NFIB: variants seen among roughly 807,000 people sequenced by gnomAD.
The protein encoded by NFIB is nuclear factor 1 B-type.
A neutral mutation model predicts 61.5 loss-of-function variants in NFIB; 11 were observed. That is an observed-to-expected ratio of 0.18 (90% CI 0.11 to 0.30). The LOEUF (loss-of-function observed/expected upper bound fraction) is 0.30. NFIB is among the 10% of genes least tolerant of loss of function. The pLI, the probability that NFIB is intolerant of heterozygous loss-of-function variation, is 1.00. For missense variants in NFIB, 471 were observed against 608.9 expected, an observed-to-expected ratio of 0.77 and a Z score of 2.38; for synonymous variants, 260 against 216.5, an observed-to-expected ratio of 1.20 and a Z score of -1.76.
At chr9:14,461,758 T>A in the NFIB span, among the ~76,000 whole-genome samples, 1 of 152,230 alleles carries the variant, frequency 6.6e-6, no homozygotes, top group Non-Finnish European at 1.5e-5. Context: ...AGATCTCAAA[T>A]TGTAAACCCT....
intron 6 of NFIB, among the ~76,000 whole-genome samples, chr9:14,132,456 TAAA>T (rs2040506998): frequency 6.6e-6 from 1 of 152,196 alleles, no homozygotes; most frequent in African/African-American, 2.4e-5. Context: ...TAATCATTGT[TAAA>T]ATATCTACAT....
Position 14,307,302 on chromosome 9 carries a change from A to G in NFIB, c.249T>C (p.Asp83=), listed in dbSNP as rs2060067679. ...ASRLLAKLRK[D]IRQEYREDFV... Reference sequence around the variant, plus strand: ...AGTCCTCTCGATACTCCTGGCGAATATCTTTGCGCAGTTTGGCAAGGAGCC... The same window carrying G: ...AGTCCTCTCGATACTCCTGGCGAATGTCTTTGCGCAGTTTGGCAAGGAGCC... Residue 83 remains aspartate (D), a synonymous_variant, in exon 2 of 11, where the codon GAT becomes GAC. Coordinates refer to ENST00000380953, the MANE Select transcript of NFIB (RefSeq NM_001190737.2). The surrounding 1 kb of genome is among the most constrained non-coding windows in gnomAD (Gnocchi z 5.3). 1.2e-6 allele frequency: 2 copies of G among 1,613,954 alleles called. No individual in the cohort carries two copies. The highest frequency in any genetic ancestry group is 8.5e-7 in the Non-Finnish European group (1 of 1,179,886).
intron 2 of NFIB, among the ~76,000 whole-genome samples, chr9:14,303,567 T>C (rs765622962): frequency 1.2e-4 from 19 of 152,228 alleles, no homozygotes; most frequent in South Asian, 2.1e-4. Context: ...AAGAGTTTTA[T>C]ATTAGCTAAG....
intron 10 of NFIB, among the ~76,000 whole-genome samples, chr9:14,112,723 CTG>C (rs1306855645): frequency 6.6e-6 from 1 of 152,122 alleles, no homozygotes; most frequent in Non-Finnish European, 1.5e-5. Context: ...GCCAATGAGA[CTG>C]AGAAAAATAC....
At chr9:14,092,386 G>A (rs1431860643) in intron 10 of NFIB, among the ~76,000 whole-genome samples, 2 of 151,994 alleles carry the variant, frequency 1.3e-5, no homozygotes, top group Non-Finnish European at 2.9e-5. Context: ...TTTTCTCAGT[G>A]AGCTCATGAG....
intron 3 of NFIB, among the ~76,000 whole-genome samples, chr9:14,162,580 A>G (rs1164637206): frequency 3.9e-5 from 6 of 152,070 alleles, no homozygotes; most frequent in Admixed American, 2.6e-4. Flanking sequence ...AGGAGTATAC[A>G]CATGCTTCAT....
the NFIB span, among the ~76,000 whole-genome samples, chr9:14,478,394 A>G: frequency 6.6e-6 from 1 of 152,174 alleles, no homozygotes. Context: ...TCAAACATAC[A>G]GAACAGGTTA....
Position 14,376,876 on chromosome 9 carries a change from G to A in NFIB, c.108+21648C>T, listed in dbSNP as rs145630179. Among the ~76,000 whole-genome samples the A allele has an allele frequency of 1.4e-4, 22 of 152,112 alleles. No homozygotes were observed. The East Asian group carries it at 4.3e-3, about 29-fold the overall frequency. On this transcript the variant is annotated intron_variant, in intron 1 of 8. Transcript: ENST00000380934. ...AGTTATTACTCATTCAAAAATCTGTGTCACTTACTTTAATCAGATTGCCTT... is the reference window on the plus strand; with the variant it reads ...AGTTATTACTCATTCAAAAATCTGTATCACTTACTTTAATCAGATTGCCTT...
rs550756343 is a variant in NFIB, at chr9:14,257,278, G to A, written c.562+49711C>T. On this transcript the variant is annotated intron_variant, in intron 2 of 10. Coordinates refer to ENST00000380953, the MANE Select transcript of NFIB (RefSeq NM_001190737.2). ...TCCTAGAACATGGTGCACACAAGGT[G>A]ACAGCTGTGCCTTATTACAGCTACT... is the stretch of plus-strand genomic sequence containing the variant. Among the ~76,000 whole-genome samples, 63 of 152,268 alleles carry A rather than the reference G, an allele frequency of 4.1e-4. 1 individual carries two copies. The South Asian group carries it at 0.013, about 31-fold the overall frequency.
the NFIB span, among the ~76,000 whole-genome samples, chr9:14,496,832 C>T: frequency 6.6e-6 from 1 of 152,222 alleles, no homozygotes; most frequent in Non-Finnish European, 1.5e-5. Flanking sequence ...AAATAAAATA[C>T]TAGCCATTGC....
At chr9:14,503,569 C>G in the NFIB span, among the ~76,000 whole-genome samples, 2 of 152,046 alleles carry the variant, frequency 1.3e-5, no homozygotes, top group Admixed American at 6.6e-5. Context: ...TTTGCATTTC[C>G]CTGATAATTA....
At chr9:14,345,170 T>C (rs1372940806) in intron 1 of NFIB, among the ~76,000 whole-genome samples, 4 of 152,146 alleles carry the variant, frequency 2.6e-5, no homozygotes, top group Non-Finnish European at 4.4e-5. Context: ...AAAGGAGAGC[T>C]GCTTTTTATT....
chr9:14,148,076 A>G (rs1380322469), intron 5 of NFIB, among the ~76,000 whole-genome samples: 1 of 152,110 alleles, frequency 6.6e-6, no homozygotes. Flanking sequence ...CCACCAATAA[A>G]GCAGACAATT....
chr9:14,434,902 C>T, the NFIB span, among the ~76,000 whole-genome samples: 3 of 152,294 alleles, frequency 2.0e-5, no homozygotes, highest in East Asian at 5.8e-4. Flanking sequence ...CTGGAGCTAG[C>T]TGGCACTGTA....
At chr9:14,399,837 T>C (rs2061725156), upstream of NFIB, among the ~76,000 whole-genome samples, 1 of 152,172 alleles carries the variant, frequency 6.6e-6, no homozygotes, top group Non-Finnish European at 1.5e-5. Context: ...TGGTTTGAGT[T>C]AAGCAACTTG....
the NFIB span, among the ~76,000 whole-genome samples, chr9:14,459,089 AG>A: frequency 1.3e-5 from 2 of 152,048 alleles, no homozygotes; most frequent in Non-Finnish European, 2.9e-5. Context: ...ACAAAGCTGG[AG>A]GCATCACGCT....
intron 2 of NFIB, among the ~76,000 whole-genome samples, chr9:14,209,009 C>T (rs914564268): frequency 6.6e-6 from 1 of 152,150 alleles, no homozygotes; most frequent in African/African-American, 2.4e-5. Context: ...TGATAAGTAG[C>T]ATGTCAGAGT....
chr9:14,112,366 G>T (rs1313233657), intron 10 of NFIB, among the ~76,000 whole-genome samples: 1 of 152,056 alleles, frequency 6.6e-6, no homozygotes, highest in South Asian at 2.1e-4. Flanking sequence ...CACAGTTTGG[G>T]TAAACACTTC....
At chr9:14,371,627 T>C (rs1408938751) in intron 1 of NFIB, among the ~76,000 whole-genome samples, 1 of 152,250 alleles carries the variant, frequency 6.6e-6, no homozygotes, top group African/African-American at 2.4e-5. Flanking sequence ...AATGAGTTGA[T>C]AATTTAGTTG....
Sources: gnomAD v4.1 joint callset for allele counts (sites outside exome capture counted in the v4.1 genomes callset) on GRCh38, gnomAD v4.1.1 for gene constraint, Gnocchi (gnomAD v3.1) non-coding constraint, MANE v1.5 for transcripts, NCBI Gene and HGNC (gene_info 2026-07-23, HGNC 2026-07-21) for gene names.